Variants in DCLK2 observed in about 807,000 individuals in gnomAD.
The protein encoded by DCLK2 is doublecortin like kinase 2.
DCLK2 carries 31 observed loss-of-function variants against 78.4 expected under a neutral mutation model. The observed-to-expected ratio is 0.40, with a 90% CI of 0.30 to 0.53. The LOEUF is 0.53. Among genes scored for constraint, DCLK2 ranks in the 20% least tolerant of loss-of-function variants. The probability of loss-of-function intolerance (pLI) is 0.61; values close to 1 mark genes in which losing one functional copy is unlikely to be tolerated. For synonymous variants in DCLK2, 407 were observed against 374.9 expected, an observed-to-expected ratio of 1.09 and a Z score of -0.99; for missense variants, 872 against 973.7, an observed-to-expected ratio of 0.90 and a Z score of 1.39.
chr4:150,232,683 G>T lies in DCLK2; in HGVS notation c.1421G>T (p.Gly474Val). The change falls in exon 10 of 16, where the codon GGT becomes GTT. Residue 474 changes from glycine (G) to valine (V), a missense_variant and splice_region_variant. Transcript: ENST00000296550. ...TATGTTCTTTTATGTATCGTTTAGG[G>T]TGGAGATCTCTTTGATGCAATTACT... ...ELFLVMELVK[G>V]GDLFDAITSS... The T allele has an allele frequency of 6.2e-7, 1 of 1,613,856 alleles. No individual in the cohort carries two copies. The highest frequency in any genetic ancestry group is 8.5e-7 in the Non-Finnish European group (1 of 1,179,820).
chr4:150,194,482 A>C (rs7667318), intron 3 of DCLK2, among the ~76,000 whole-genome samples: 130,400 of 152,102 alleles, frequency 0.86, 56,546 homozygotes, highest in Middle Eastern at 0.95. Flanking sequence ...AACTTTTGCC[A>C]ATATATGGCA....
At chr4:150,220,584 C>G in intron 5 of DCLK2, 119 bp from the exon 6 acceptor site, 2 of 713,680 alleles carry the variant, frequency 2.8e-6, no homozygotes, top group Non-Finnish European at 4.8e-6. Flanking sequence ...AGAAAGGGAA[C>G]GCCTCCTCGG....
intron 2 of DCLK2, among the ~76,000 whole-genome samples, chr4:150,173,811 G>C (rs1254525289): frequency 6.6e-6 from 1 of 152,138 alleles, no homozygotes; most frequent in Non-Finnish European, 1.5e-5. Flanking sequence ...AGAAAAGAGA[G>C]CCAAGCCAAT....
At chr4:150,096,559 G>T (rs2150145828) in intron 1 of DCLK2, among the ~76,000 whole-genome samples, 1 of 152,244 alleles carries the variant, frequency 6.6e-6, no homozygotes, top group African/African-American at 2.4e-5. Flanking sequence ...ATCCTGAAAA[G>T]CAGACTGAGA....
chr4:150,130,441 C>T (rs575233099), intron 2 of DCLK2, among the ~76,000 whole-genome samples: 1 of 152,064 alleles, frequency 6.6e-6, no homozygotes, highest in East Asian at 1.9e-4. Flanking sequence ...CCAGCCACAC[C>T]CGTACCCACA....
chr4:150,251,908 T>C (rs980440684), intron 15 of DCLK2, among the ~76,000 whole-genome samples: 2 of 151,874 alleles, frequency 1.3e-5, no homozygotes, highest in Non-Finnish European at 2.9e-5. Context: ...ACTCCCCAGC[T>C]GCTCCCCTGC....
chr4:150,187,005 T>G (rs1225281382), intron 2 of DCLK2, among the ~76,000 whole-genome samples: 1 of 152,150 alleles, frequency 6.6e-6, no homozygotes, highest in East Asian at 1.9e-4. Context: ...TTGTTAAATA[T>G]GCAAATGTAA....
chr4:150,252,388 C>T (rs149929887), intron 15 of DCLK2, among the ~76,000 whole-genome samples: 2 of 152,318 alleles, frequency 1.3e-5, no homozygotes, highest in East Asian at 3.9e-4. Context: ...AGAGGAAGAA[C>T]CTTTAACCGC....
chr4:150,147,652 T>C (rs920659589), intron 2 of DCLK2, among the ~76,000 whole-genome samples: 1 of 137,698 alleles, frequency 7.3e-6, no homozygotes, highest in African/African-American at 2.7e-5. Context: ...TATGTACAAT[T>C]TGTATTGTAA....
chr4:150,230,820 C>A (rs1434502532), intron 8 of DCLK2, among the ~76,000 whole-genome samples: 1 of 152,090 alleles, frequency 6.6e-6, no homozygotes, highest in Non-Finnish European at 1.5e-5. Flanking sequence ...ATAGGAGACC[C>A]TGTTCTTGAC....
At chr4:150,087,437 A>G (rs1174346613) in intron 1 of DCLK2, among the ~76,000 whole-genome samples, 2 of 152,248 alleles carry the variant, frequency 1.3e-5, no homozygotes, top group African/African-American at 4.8e-5. Context: ...AACTTTTGAA[A>G]TAGCAATGTG....
chr4:150,256,113 C>T lies in DCLK2; in HGVS notation c.2167C>T (p.Pro723Ser). The T allele has an allele frequency of 1.2e-6, 2 of 1,613,000 alleles. No individual in the cohort carries two copies. Among genetic ancestry groups the T allele is most frequent in the Middle Eastern group, 1.7e-4 (1 of 6,026 alleles). ...GATGGAGCCCATCTCTCCAGTTCCT[C>T]CCTCAGTGGAGGAGATCCCTGTGCC... ...PGMEPISPVP[P>S]SVEEIPVPGE... Residue 723 changes from proline to serine, a missense_variant, in exon 16 of 16, where the codon CCC becomes TCC. By Grantham distance (74) the Pro-to-Ser change is moderately conservative. This residue lies in a region of DCLK2 where 219 missense variants were observed against 230.1 expected (regional missense o/e 0.95). Transcript: ENST00000296550.
intron 5 of DCLK2, among the ~76,000 whole-genome samples, chr4:150,219,507 C>T (rs1301961627): frequency 1.3e-5 from 2 of 152,054 alleles, no homozygotes; most frequent in South Asian, 2.1e-4. Flanking sequence ...GTGATCCACC[C>T]GTCACGGCCT....
chr4:150,084,155 A>G (rs9307864), intron 1 of DCLK2, among the ~76,000 whole-genome samples: 8 of 151,902 alleles, frequency 5.3e-5, no homozygotes, highest in African/African-American at 1.9e-4. Context: ...CTATTATAAC[A>G]CTTAGCTTTG....
chr4:150,141,331 C>T (rs370802265), intron 2 of DCLK2, among the ~76,000 whole-genome samples: 1 of 152,090 alleles, frequency 6.6e-6, no homozygotes, highest in South Asian at 2.1e-4. Flanking sequence ...TCCCTGAAAA[C>T]TCAGTTCGTT....
intron 12 of DCLK2, among the ~76,000 whole-genome samples, chr4:150,246,505 G>A (rs571743527): frequency 6.6e-6 from 1 of 152,304 alleles, no homozygotes; most frequent in African/African-American, 2.4e-5. Flanking sequence ...CCTGAAGGCT[G>A]GGTGAAGAAA....
chr4:150,102,317 A>T (rs1730944580), intron 1 of DCLK2, among the ~76,000 whole-genome samples, 161 bp from the exon 2 acceptor site: 1 of 152,204 alleles, frequency 6.6e-6, no homozygotes, highest in Non-Finnish European at 1.5e-5. Flanking sequence ...TTTAAAAGAA[A>T]GGAAGGTGGG....
chr4:150,169,885 TATA>T (rs1304275403), intron 2 of DCLK2, among the ~76,000 whole-genome samples: 1 of 152,196 alleles, frequency 6.6e-6, no homozygotes, highest in Non-Finnish European at 1.5e-5. Flanking sequence ...TAAGTTAGGT[TATA>T]ATTCCTGAAG....
chr4:150,256,276 C>G lies in DCLK2; in HGVS notation c.*29C>G, dbSNP rs13101461. ...TCCTGCAGACGGGCGAAGCCGCCTG[C>G]TGCAGCCCAGGAAGCCAGCCCTCTG... On this transcript the variant is annotated 3_prime_UTR_variant, in exon 16 of 16. Coordinates refer to ENST00000296550, the MANE Select transcript of DCLK2 (RefSeq NM_001040260.4). 458,796 of 1,473,008 alleles carry G rather than the reference C, an allele frequency of 0.31. 75,578 individuals carry two copies. The highest frequency in any genetic ancestry group is 0.41 in the South Asian group (30,181 of 73,180). 91.2% of individuals were successfully genotyped at this position (1,473,008 alleles called of 1,614,324 possible). A position where few individuals can be genotyped will look rare whatever the true frequency, so the allele number is the denominator to read the frequency against.
Sources: allele counts gnomAD v4.1 joint callset (sites outside exome capture counted in the v4.1 genomes callset), GRCh38; gene constraint gnomAD v4.1.1; regional missense constraint gnomAD v4.1.1; transcripts MANE v1.5; gene names NCBI Gene and HGNC (gene_info 2026-07-23, HGNC 2026-07-21).